Variants in CACNA1C observed in about 807,000 individuals in gnomAD.
The protein encoded by CACNA1C is voltage-dependent L-type calcium channel subunit alpha-1C.
In CACNA1C, 30 loss-of-function variants were observed where a neutral mutation model predicts 229.0. The observed-to-expected ratio is 0.13, with a 90% confidence interval of 0.10 to 0.18. CACNA1C has a LOEUF of 0.18. CACNA1C is among the 10% of genes least tolerant of loss of function. The pLI, the probability that CACNA1C is intolerant of heterozygous loss-of-function variation, is 1.00. For missense variants in CACNA1C, 1,658 were observed against 2,845.0 expected, an observed-to-expected ratio of 0.58 and a Z score of 9.49; for synonymous variants, 1,114 against 1,132.5, an observed-to-expected ratio of 0.98 and a Z score of 0.33.
At chr12:2,568,521 G>A (rs1394478195) in intron 13 of CACNA1C, among the ~76,000 whole-genome samples, 1 of 152,152 alleles carries the variant, frequency 6.6e-6, no homozygotes, top group African/African-American at 2.4e-5. Flanking sequence ...ACACCCAAGT[G>A]CCTTAGACAG....
At chr12:2,156,510 CTT>C (rs2095563919) in intron 3 of CACNA1C, among the ~76,000 whole-genome samples, 1 of 152,228 alleles carries the variant, frequency 6.6e-6, no homozygotes, top group Non-Finnish European at 1.5e-5. Context: ...TTGAAATACT[CTT>C]TGATGACATA....
chr12:2,680,569 A>T (rs980897333), intron 42 of CACNA1C: 4 of 1,563,752 alleles, frequency 2.6e-6, no homozygotes, highest in Non-Finnish European at 3.5e-6. Context: ...GCCCCCCAGC[A>T]TGCCAGGTTC....
Position 2,550,010 on chromosome 12 carries a change from A to T in CACNA1C, c.1458A>T (p.Gly486=). The T allele has an allele frequency of 6.2e-7, 1 of 1,607,106 alleles. No individual in the cohort carries two copies. The highest frequency in any genetic ancestry group is 8.5e-7 in the Non-Finnish European group (1 of 1,176,750). ...TENVAGGDIE[G]ENCGARLAHR... is the part of the protein sequence containing the mutation. ...ACGTGGCTGGAGGTGACATCGAGGG[A>T]GAAAACTGCGGGGCCAGGCTGGCGT... is the stretch of plus-strand genomic sequence containing the variant. The change falls in exon 10 of 47, where the codon GGA becomes GGT. Residue 486 remains glycine, a synonymous_variant. Transcript: ENST00000399655.
intron 11 of CACNA1C, among the ~76,000 whole-genome samples, chr12:2,559,173 C>T (rs967770370): frequency 1.3e-5 from 2 of 152,104 alleles, no homozygotes; most frequent in Admixed American, 1.3e-4. Flanking sequence ...TTTAACAGTT[C>T]CAAAGCCCCC....
rs1242683328 is a variant in CACNA1C, at chr12:2,697,844, G to A, written c.*6645G>A. On this transcript the variant is annotated 3_prime_UTR_variant, in exon 47 of 47. Coordinates refer to ENST00000399655, the MANE Select transcript of CACNA1C (RefSeq NM_000719.7). Reference sequence around the variant, plus strand: ...GGTCATCTCTGTGTGAGACACTATTGTATATTCCTGTAAGATTGCATTTTT... The same window carrying A: ...GGTCATCTCTGTGTGAGACACTATTATATATTCCTGTAAGATTGCATTTTT... 1 of 152,556 alleles carries A rather than the reference G, an allele frequency of 6.6e-6. No individual in the cohort carries two copies. Among genetic ancestry groups the A allele is most frequent in the Non-Finnish European group, 1.5e-5 (1 of 68,042 alleles). The allele number at this position is 152,556 out of a possible 1,614,324, so 9.5% of individuals were successfully genotyped here. A position where few individuals can be genotyped will look rare whatever the true frequency, so the allele number is the denominator to read the frequency against.
rs990281625 is a variant in CACNA1C, at chr12:2,512,732, C to T, written c.1218-80C>T. The T allele has an allele frequency of 1.1e-5, 12 of 1,074,844 alleles. No individual in the cohort carries two copies. In the Admixed American group the frequency reaches 3.0e-4, roughly 27 times the overall value. 66.6% of individuals were successfully genotyped at this position (1,074,844 alleles called of 1,614,324 possible). The stretch of plus-strand genomic sequence containing the variant: ...CTCTTGTTTCTCCTTATCTCCATCT[C>T]TCCTTCCATCCTCGACCCTTCTCGG... On this transcript the variant is annotated intron_variant, in intron 8 of 46. Coordinates refer to ENST00000399655, the MANE Select transcript of CACNA1C (RefSeq NM_000719.7). The surrounding 1 kb of genome is among the most constrained non-coding windows in gnomAD (Gnocchi z 4.3).
chr12:2,263,144 G>A (rs1173407556), intron 3 of CACNA1C, among the ~76,000 whole-genome samples: 1 of 152,152 alleles, frequency 6.6e-6, no homozygotes, highest in Non-Finnish European at 1.5e-5. Flanking sequence ...GTGGGAAATG[G>A]CGAGGTAAGT....
At chr12:2,259,437 CA>C (rs1478696932) in intron 3 of CACNA1C, among the ~76,000 whole-genome samples, 4 of 151,854 alleles carry the variant, frequency 2.6e-5, no homozygotes, top group African/African-American at 9.7e-5. Flanking sequence ...ATGTCTTTAT[CA>C]AAAAAAGAAA....
At position 2,486,273 on chromosome 12, in the gene CACNA1C, C is replaced by T; in HGVS notation, c.916+11C>T. ...AGGAGGGCATAGCAGGTAAGAGGGG[C>T]AGGCGGCTGCGCTCCCAAGGCCCTG... On this transcript the variant is annotated intron_variant, in intron 6 of 46. Coordinates refer to ENST00000399655, the MANE Select transcript of CACNA1C (RefSeq NM_000719.7). The surrounding 1 kb of genome is among the most constrained non-coding windows in gnomAD (Gnocchi z 4.9). The T allele has an allele frequency of 6.2e-7, 1 of 1,609,780 alleles. No homozygotes were observed. The highest frequency in any genetic ancestry group is 8.5e-7 in the Non-Finnish European group (1 of 1,177,280).
In CACNA1C at chr12:2,611,893, C is replaced by T; in HGVS notation, c.3718-10C>T. 1 of 1,580,606 alleles carries T rather than the reference C, an allele frequency of 6.3e-7. No individual in the cohort carries two copies. The highest frequency in any genetic ancestry group is 8.7e-7 in the Non-Finnish European group (1 of 1,149,696). On this transcript the variant is annotated splice_polypyrimidine_tract_variant and intron_variant, in intron 28 of 46. Transcript: ENST00000399655. ...CCCGTGTTCACAGCTCCTCCCCTCT[C>T]CTGATGCAGCACTACGGCCAGAGCT... is the stretch of plus-strand genomic sequence containing the variant.
intron 3 of CACNA1C, among the ~76,000 whole-genome samples, chr12:2,274,158 T>A (rs759689701): frequency 7.9e-5 from 12 of 152,172 alleles, no homozygotes; most frequent in Non-Finnish European, 1.5e-5. Flanking sequence ...TGGCAGCAAG[T>A]CCTCGTCCTG....
chr12:2,434,222 G>C (rs1014887322), intron 3 of CACNA1C, among the ~76,000 whole-genome samples: 6 of 152,038 alleles, frequency 3.9e-5, no homozygotes, highest in African/African-American at 1.5e-4. Context: ...CTGACCCCCC[G>C]TCTGTAATCC....
chr12:2,377,362 G>T (rs907190437), intron 3 of CACNA1C, among the ~76,000 whole-genome samples: 2 of 152,124 alleles, frequency 1.3e-5, no homozygotes, highest in African/African-American at 4.8e-5. Flanking sequence ...TTCATGCAGT[G>T]CAAGGACAAA....
At chr12:2,004,538 C>A in intron 1 of CACNA1C, 1 of 1,469,146 alleles carries the variant, frequency 6.8e-7, no homozygotes, top group South Asian at 1.4e-5. Context: ...GACCACACGG[C>A]CCGGGAGGCC....
intron 1 of CACNA1C, among the ~76,000 whole-genome samples, chr12:2,093,336 C>T (rs528336737): frequency 3.3e-5 from 5 of 152,184 alleles, no homozygotes; most frequent in South Asian, 2.1e-4. Context: ...GGCCTGCACC[C>T]TGATGCTTCT....
At chr12:1,978,181 G>C (rs900037878) in intron 1 of CACNA1C, among the ~76,000 whole-genome samples, 10 of 152,148 alleles carry the variant, frequency 6.6e-5, no homozygotes, top group Non-Finnish European at 1.2e-4. Flanking sequence ...CCAGAGAAAG[G>C]GGGCATAGCC....
chr12:2,058,044 A>T (rs1254237040), intron 1 of CACNA1C, among the ~76,000 whole-genome samples: 1 of 152,238 alleles, frequency 6.6e-6, no homozygotes, highest in African/African-American at 2.4e-5. Context: ...CAGGAGACCC[A>T]GGTTAGGAAG....
chr12:2,248,439 C>T (rs2074243953), intron 3 of CACNA1C, among the ~76,000 whole-genome samples: 1 of 152,228 alleles, frequency 6.6e-6, no homozygotes. Flanking sequence ...TCACTGGGCT[C>T]CATTTTCCAG....
intron 3 of CACNA1C, among the ~76,000 whole-genome samples, chr12:2,294,764 G>A (rs894095062): frequency 3.3e-5 from 5 of 152,128 alleles, no homozygotes; most frequent in Non-Finnish European, 7.4e-5. Flanking sequence ...CTGGGACTGC[G>A]GGCGCGTTGT....
Sources: allele counts gnomAD v4.1 joint callset (sites outside exome capture counted in the v4.1 genomes callset), GRCh38; gene constraint gnomAD v4.1.1; non-coding constraint Gnocchi (gnomAD v3.1); transcripts MANE v1.5; gene names NCBI Gene and HGNC (gene_info 2026-07-23, HGNC 2026-07-21).